FAM168B: variants seen among roughly 807,000 people sequenced by gnomAD.
FAM168B encodes myelin-associated neurite-outgrowth inhibitor.
Under a neutral mutation model 21.8 loss-of-function variants are expected in FAM168B, and 19 were observed. That is an observed-to-expected ratio of 0.87 (90% CI 0.61 to 1.28). The LOEUF (loss-of-function observed/expected upper bound fraction) is 1.28. FAM168B is among the 50% of genes most tolerant of loss of function. The pLI is 0.00. For synonymous variants in FAM168B, 126 were observed against 104.8 expected, an observed-to-expected ratio of 1.20 and a Z score of -1.24; for missense variants, 233 against 263.1, an observed-to-expected ratio of 0.89 and a Z score of 0.79.
intron 3 of FAM168B, among the ~76,000 whole-genome samples, chr2:131,059,213 G>C (rs1323490494): frequency 6.6e-6 from 1 of 152,200 alleles, no homozygotes; most frequent in Non-Finnish European, 1.5e-5. Flanking sequence ...GCTTCAGGGG[G>C]AAAAGAAATC....
At chr2:131,057,868 T>G (rs1692105194) in intron 3 of FAM168B, among the ~76,000 whole-genome samples, 1 of 152,186 alleles carries the variant, frequency 6.6e-6, no homozygotes, top group South Asian at 2.1e-4. Flanking sequence ...TCTTGCTCTA[T>G]TCCCTAGGCT....
chr2:131,068,457 G>A (rs536014939), intron 3 of FAM168B, among the ~76,000 whole-genome samples: 2 of 152,216 alleles, frequency 1.3e-5, no homozygotes, highest in Admixed American at 6.5e-5. Flanking sequence ...CACCGTGCCC[G>A]GCTGCCTTAT....
At position 131,051,741 on chromosome 2, in the gene FAM168B, TA is replaced by T; in HGVS notation, c.*723del. 1 of 985,388 alleles carries T rather than the reference TA, an allele frequency of 1.0e-6. No homozygotes were observed. The highest frequency in any genetic ancestry group is 1.2e-6 in the Non-Finnish European group (1 of 829,938). 61.0% of individuals were successfully genotyped at this position (985,388 alleles called of 1,614,324 possible). A position where few individuals can be genotyped will look rare whatever the true frequency, so the allele number is the denominator to read the frequency against. On this transcript the variant is annotated 3_prime_UTR_variant, in exon 7 of 7. Coordinates refer to ENST00000389915, the MANE Select transcript of FAM168B (RefSeq NM_001009993.4). Reference sequence around the variant, plus strand: ...CCAAATTTCACTGGCCACACTACCATAATCTTTCATGATGAGCTTTAAGCAT... The same window carrying T: ...CCAAATTTCACTGGCCACACTACCATATCTTTCATGATGAGCTTTAAGCAT...
chr2:131,066,661 T>C (rs554370656), intron 3 of FAM168B, among the ~76,000 whole-genome samples: 28 of 152,298 alleles, frequency 1.8e-4, no homozygotes, highest in African/African-American at 6.7e-4. Context: ...CCAGCTGACA[T>C]CTATGCCTGA....
intron 3 of FAM168B, among the ~76,000 whole-genome samples, chr2:131,056,206 G>T (rs1189442148): frequency 6.6e-6 from 1 of 152,174 alleles, no homozygotes; most frequent in Non-Finnish European, 1.5e-5. Flanking sequence ...GACTGGCTAA[G>T]CACTCTATGG....
In FAM168B at chr2:131,048,093, C is replaced by A; in HGVS notation, c.*4372G>T. The A allele has an allele frequency of 1.0e-6, 1 of 982,244 alleles. No homozygotes were observed. The highest frequency in any genetic ancestry group is 1.3e-6 in the Non-Finnish European group (1 of 747,950). 60.8% of individuals were successfully genotyped at this position (982,244 alleles called of 1,614,324 possible). A position where few individuals can be genotyped will look rare whatever the true frequency, so the allele number is the denominator to read the frequency against. Reference sequence around the variant, plus strand: ...AGTTCAATGCAGAGGTGAGGGATGCCTTTAACACTGGAAGACAATGCTGAC... The same window carrying A: ...AGTTCAATGCAGAGGTGAGGGATGCATTTAACACTGGAAGACAATGCTGAC... On this transcript the variant is annotated 3_prime_UTR_variant, in exon 7 of 7. Transcript: ENST00000389915.
chr2:131,063,497 G>A (rs1193533597), intron 3 of FAM168B, among the ~76,000 whole-genome samples: 1 of 152,136 alleles, frequency 6.6e-6, no homozygotes, highest in East Asian at 1.9e-4. Flanking sequence ...CTTAGTGTGG[G>A]GCCAAGAGCT....
rs1691600630 is a variant in FAM168B, at chr2:131,050,562, A to C, written c.*1903T>G. 1.0e-6 allele frequency: 1 copy of C among 985,734 alleles called. No homozygotes were observed. Among genetic ancestry groups the C allele is most frequent in the African/African-American group, 1.7e-5 (1 of 57,244 alleles). 61.1% of individuals were successfully genotyped at this position (985,734 alleles called of 1,614,324 possible). A position where few individuals can be genotyped will look rare whatever the true frequency, so the allele number is the denominator to read the frequency against. On this transcript the variant is annotated 3_prime_UTR_variant, in exon 7 of 7. Transcript: ENST00000389915. ...CAATTTAAAGTACTTATCAGTAAAC[A>C]TTCTATGTTAATAGACATCAGGAAT...
intron 3 of FAM168B, among the ~76,000 whole-genome samples, chr2:131,060,116 C>T (rs185090213): frequency 7.2e-5 from 11 of 152,230 alleles, no homozygotes; most frequent in African/African-American, 2.6e-4. Flanking sequence ...ACCTCCACCT[C>T]CCAGGTTTAA....
At chr2:131,086,777 A>G (rs1693720808) in intron 1 of FAM168B, among the ~76,000 whole-genome samples, 1 of 140,296 alleles carries the variant, frequency 7.1e-6, no homozygotes, top group Non-Finnish European at 1.5e-5. Flanking sequence ...AAGAGTCACA[A>G]GAGAAAGGCC....
At chr2:131,089,954 C>G (rs1254261709) in intron 1 of FAM168B, among the ~76,000 whole-genome samples, 1 of 151,776 alleles carries the variant, frequency 6.6e-6, no homozygotes, top group Non-Finnish European at 1.5e-5. Flanking sequence ...ATCACTTGAA[C>G]CCAGGAGGCA....
chr2:131,053,086 A>C, intron 5 of FAM168B, 71 bp from the exon 6 acceptor site: 1 of 1,461,192 alleles, frequency 6.8e-7, no homozygotes, highest in Non-Finnish European at 9.1e-7. Context: ...ATACGCACAC[A>C]AGCCTGGCCT....
intron 3 of FAM168B, among the ~76,000 whole-genome samples, chr2:131,067,302 C>G (rs1692614148): frequency 6.6e-6 from 1 of 152,168 alleles, no homozygotes; most frequent in Non-Finnish European, 1.5e-5. Context: ...TCACAAGGGT[C>G]TCGGAATCCT....
At chr2:131,065,929 TCA>T (rs1347784183) in intron 3 of FAM168B, among the ~76,000 whole-genome samples, 2 of 152,026 alleles carry the variant, frequency 1.3e-5, no homozygotes, top group Non-Finnish European at 2.9e-5. Context: ...AATTAAACCA[TCA>T]CTTCGTAATT....
intron 1 of FAM168B, among the ~76,000 whole-genome samples, chr2:131,083,693 C>T (rs1225305750): frequency 6.6e-6 from 1 of 152,102 alleles, no homozygotes; most frequent in Non-Finnish European, 1.5e-5. Flanking sequence ...TAAGTGAAAA[C>T]AAAGTAGAGT....
chr2:131,075,087 G>A (rs1041743935), intron 2 of FAM168B, among the ~76,000 whole-genome samples: 4 of 151,968 alleles, frequency 2.6e-5, no homozygotes, highest in African/African-American at 7.3e-5. Flanking sequence ...TGTGGTGGAC[G>A]TCAAGGGCAG....
In FAM168B at chr2:131,082,774, C is replaced by T. The variant is rs182281152; in HGVS notation, c.-11-117G>A. 9.6e-6 allele frequency: 6 copies of T among 621,928 alleles called. No homozygotes were observed. The Admixed American group carries it at 1.7e-4, about 17-fold the overall frequency. 38.5% of individuals were successfully genotyped at this position (621,928 alleles called of 1,614,324 possible). On this transcript the variant is annotated intron_variant, in intron 1 of 6. Transcript: ENST00000389915. ...TTCTCTAGGCTGCTATAAAACAATG[C>T]ATTTCATGCTGCCCCCAACCAGCGA...
intron 3 of FAM168B, among the ~76,000 whole-genome samples, chr2:131,056,209 C>G (rs1273537005): frequency 6.6e-6 from 1 of 152,278 alleles, no homozygotes; most frequent in Non-Finnish European, 1.5e-5. Flanking sequence ...TGGCTAAGCA[C>G]TCTATGGTAA....
intron 2 of FAM168B, among the ~76,000 whole-genome samples, chr2:131,077,528 C>T (rs1236504742): frequency 2.0e-5 from 3 of 152,190 alleles, no homozygotes; most frequent in South Asian, 2.1e-4. Flanking sequence ...ATAGCCCCCC[C>T]AAAATGTTTA....
Sources: allele counts gnomAD v4.1 joint callset (sites outside exome capture counted in the v4.1 genomes callset), GRCh38; gene constraint gnomAD v4.1.1; transcripts MANE v1.5; gene names NCBI Gene and HGNC (gene_info 2026-07-23, HGNC 2026-07-21).